Variants in B4GALT6 observed in about 807,000 individuals in gnomAD.
B4GALT6 encodes the protein beta-1,4-galactosyltransferase 6.
In B4GALT6, 14 loss-of-function variants were observed where a neutral mutation model predicts 46.3. The observed-to-expected ratio is 0.30, with a 90% CI of 0.20 to 0.47. The LOEUF is 0.47. Ranked by LOEUF, B4GALT6 falls within the 20% of genes least tolerant of loss-of-function variation. The pLI, the probability that B4GALT6 is intolerant of heterozygous loss-of-function variation, is 0.99. For synonymous variants in B4GALT6, 168 were observed against 162.0 expected (o/e 1.04, Z -0.28); for missense variants, 386 against 480.1 (o/e 0.80, Z 1.83).
At position 31,625,531 on chromosome 18, in the gene B4GALT6, G is replaced by A; in HGVS notation, c.*83C>T. 6.7e-7 allele frequency: 1 copy of A among 1,484,876 alleles called. No homozygotes were observed. The highest frequency in any genetic ancestry group is 9.3e-7 in the Non-Finnish European group (1 of 1,073,620). The allele number at this position is 1,484,876 out of a possible 1,614,324, so 92.0% of individuals were successfully genotyped here. ...TCAGAGAAAAGGGCACTGTGACACA[G>A]CCAATCACTGACCTCCACTAAGAGC... is the stretch of plus-strand genomic sequence containing the variant. On this transcript the variant is annotated 3_prime_UTR_variant, in exon 9 of 9. Transcript: ENST00000306851.
chr18:31,624,270 A>T lies in B4GALT6; in HGVS notation c.*1344T>A, dbSNP rs1262790573. 2.6e-5 allele frequency: 4 copies of T among 152,024 alleles called. No homozygotes were observed. The highest frequency in any genetic ancestry group is 9.7e-5 in the African/African-American group (4 of 41,440). 9.4% of individuals were successfully genotyped at this position (152,024 alleles called of 1,614,324 possible). ...CACGTATTTTAAGACAATGCTATTA[A>T]ATTATGCTTTTAGATACTACATATA... On this transcript the variant is annotated 3_prime_UTR_variant, in exon 9 of 9. Transcript: ENST00000306851.
intron 6 of B4GALT6, among the ~76,000 whole-genome samples, chr18:31,630,221 C>T (rs1483974761): frequency 1.3e-5 from 2 of 152,030 alleles, no homozygotes; most frequent in African/African-American, 4.8e-5. Context: ...TAGCACCAGG[C>T]AAAACTGTGA....
chr18:31,647,657 T>C (rs948520992), intron 3 of B4GALT6, among the ~76,000 whole-genome samples: 1 of 151,980 alleles, frequency 6.6e-6, no homozygotes. Context: ...AGGACAAGTA[T>C]TGCCACCACT....
chr18:31,626,970 A>G (rs755669882), intron 7 of B4GALT6, 29 bp downstream of exon 7: 3 of 1,579,748 alleles, frequency 1.9e-6, no homozygotes, highest in Non-Finnish European at 2.6e-6. Flanking sequence ...TAAAAATTCT[A>G]TTAGTGAACA....
intron 5 of B4GALT6, among the ~76,000 whole-genome samples, chr18:31,637,065 C>T (rs2073868521): frequency 6.6e-6 from 1 of 152,126 alleles, no homozygotes; most frequent in African/African-American, 2.4e-5. Flanking sequence ...GTGATCCACC[C>T]ACATCAGCCT....
At chr18:31,710,814 CCACACACA>C in the B4GALT6 span, among the ~76,000 whole-genome samples, 2 of 140,122 alleles carry the variant, frequency 1.4e-5, no homozygotes, top group Admixed American at 7.2e-5. Context: ...CCTGAATACA[CCACACACA>C]CACACACACA....
At chr18:31,708,135 CA>C in the B4GALT6 span, among the ~76,000 whole-genome samples, 1 of 152,204 alleles carries the variant, frequency 6.6e-6, no homozygotes, top group African/African-American at 2.4e-5. Context: ...CCAGCTTCTA[CA>C]GAAGGTTTGG....
At chr18:31,702,108 T>A in the B4GALT6 span, among the ~76,000 whole-genome samples, 2 of 152,194 alleles carry the variant, frequency 1.3e-5, no homozygotes, top group African/African-American at 2.4e-5. Context: ...CAAATTAAAA[T>A]GGCAATAAGA....
At chr18:31,659,927 C>T (rs2074191618) in intron 2 of B4GALT6, among the ~76,000 whole-genome samples, 1 of 149,556 alleles carries the variant, frequency 6.7e-6, no homozygotes, top group East Asian at 2.0e-4. Context: ...TAAGGAAGTC[C>T]AATAAAGTTC....
At chr18:31,667,314 G>A (rs997539157) in intron 1 of B4GALT6, among the ~76,000 whole-genome samples, 2 of 152,150 alleles carry the variant, frequency 1.3e-5, no homozygotes, top group Non-Finnish European at 2.9e-5. Flanking sequence ...ATTCAGATGA[G>A]AGGCAGAGGC....
intron 3 of B4GALT6, among the ~76,000 whole-genome samples, chr18:31,645,921 C>G (rs1303534319): frequency 6.6e-6 from 1 of 152,154 alleles, no homozygotes. Flanking sequence ...GAACTGATTC[C>G]TAGCTTCTGT....
chr18:31,684,868 G>A (rs2074527356), upstream of B4GALT6: 2 of 751,274 alleles, frequency 2.7e-6, no homozygotes, highest in Non-Finnish European at 1.6e-6. Flanking sequence ...GCCCGCGCCC[G>A]GCGGGGTCCC....
At chr18:31,668,474 T>G (rs969292363) in intron 1 of B4GALT6, among the ~76,000 whole-genome samples, 1 of 152,210 alleles carries the variant, frequency 6.6e-6, no homozygotes, top group African/African-American at 2.4e-5. Flanking sequence ...AAGTTGAAAT[T>G]ATTTAAAATA....
At chr18:31,668,327 G>T (rs899558510) in intron 1 of B4GALT6, among the ~76,000 whole-genome samples, 1 of 152,102 alleles carries the variant, frequency 6.6e-6, no homozygotes, top group Admixed American at 6.5e-5. Context: ...GGGACAAAGC[G>T]GGGCAGAAGT....
At chr18:31,694,540 A>G in the B4GALT6 span, among the ~76,000 whole-genome samples, 4 of 152,216 alleles carry the variant, frequency 2.6e-5, no homozygotes, top group Admixed American at 2.0e-4. Context: ...AACAGCCAGT[A>G]TACCAAGGAG....
chr18:31,722,292 AAC>A, the B4GALT6 span, among the ~76,000 whole-genome samples: 2 of 151,892 alleles, frequency 1.3e-5, no homozygotes, highest in Non-Finnish European at 2.9e-5. Flanking sequence ...TTGTATACAC[AAC>A]ACACACACAC....
chr18:31,712,288 T>C, the B4GALT6 span, among the ~76,000 whole-genome samples: 576 of 13,866 alleles, frequency 0.042, 6 homozygotes, highest in African/African-American at 0.094. Context: ...TGGGACGTTA[T>C]TTTTTTTTTT....
the B4GALT6 span, chr18:31,724,444 C>A: frequency 9.7e-7 from 1 of 1,034,632 alleles, no homozygotes; most frequent in African/African-American, 1.7e-5. Flanking sequence ...CGAATCGCCG[C>A]CATGAGCTAA....
chr18:31,720,899 G>T, the B4GALT6 span, among the ~76,000 whole-genome samples: 3 of 152,206 alleles, frequency 2.0e-5, no homozygotes, highest in African/African-American at 7.2e-5. Context: ...CATCCAAAGT[G>T]GCTGAGGCAG....
Sources: allele counts gnomAD v4.1 joint callset (sites outside exome capture counted in the v4.1 genomes callset), GRCh38; gene constraint gnomAD v4.1.1; transcripts MANE v1.5; gene names NCBI Gene and HGNC (gene_info 2026-07-23, HGNC 2026-07-21).